The following UVRAG variants were observed in gnomAD, a reference collection of about 807,000 sequenced individuals.
UVRAG encodes UV radiation resistance associated, also known as UV radiation resistance-associated gene protein.
UVRAG carries 19 observed loss-of-function variants against 78.0 expected under a neutral mutation model. The observed-to-expected ratio is 0.24, with a 90% confidence interval of 0.17 to 0.36. The LOEUF (loss-of-function observed/expected upper bound fraction) is 0.36. Among genes scored for constraint, UVRAG ranks in the 10% least tolerant of loss-of-function variants. The pLI is 1.00. For missense variants in UVRAG, 740 were observed against 853.8 expected (o/e 0.87, Z 1.66); for synonymous variants, 323 against 324.6 (o/e 1.00, Z 0.05).
chr11:75,912,037 A>G lies in UVRAG; in HGVS notation c.591A>G (p.Leu197=). The change falls in exon 6 of 15, where the codon CTA becomes CTG. Residue 197 remains leucine (L), a splice_region_variant and synonymous_variant. Coordinates refer to ENST00000356136, the MANE Select transcript of UVRAG (RefSeq NM_003369.4). Reference sequence around the variant, plus strand: ...ATTCTTACGATGTCTTCTCTTTGCTACGGTAAGAAACTTCTTAGATTGCCC... The same window carrying G: ...ATTCTTACGATGTCTTCTCTTTGCTGCGGTAAGAAACTTCTTAGATTGCCC... ...VRNSYDVFSL[L]RLHRAQCAIK... The G allele has an allele frequency of 6.2e-7, 1 of 1,603,556 alleles. No individual in the cohort carries two copies. Among genetic ancestry groups the G allele is most frequent in the Non-Finnish European group, 8.5e-7 (1 of 1,171,206 alleles).
chr11:75,876,883 G>T (rs1201254992), intron 3 of UVRAG, among the ~76,000 whole-genome samples: 1 of 150,350 alleles, frequency 6.7e-6, no homozygotes, highest in Non-Finnish European at 1.5e-5. Flanking sequence ...TCATTCTTGG[G>T]TGTTTCTCAC....
chr11:76,037,987 A>T (rs1950569638), intron 12 of UVRAG, among the ~76,000 whole-genome samples: 1 of 152,326 alleles, frequency 6.6e-6, no homozygotes, highest in African/African-American at 2.4e-5. Flanking sequence ...CAAAAATTTT[A>T]AAAATACAGA....
At chr11:75,825,109 G>A (rs1360181740) in intron 1 of UVRAG, among the ~76,000 whole-genome samples, 3 of 150,564 alleles carry the variant, frequency 2.0e-5, no homozygotes, top group Non-Finnish European at 4.4e-5. Context: ...CATAAGTAAT[G>A]TCTTTTTTTT....
chr11:75,826,106 G>T (rs1945504133), intron 1 of UVRAG, among the ~76,000 whole-genome samples: 1 of 151,796 alleles, frequency 6.6e-6, no homozygotes, highest in African/African-American at 2.4e-5. Context: ...CAAAGTGCTG[G>T]GATTACAGGC....
chr11:75,846,797 T>C (rs779151577), intron 1 of UVRAG, among the ~76,000 whole-genome samples: 5 of 152,130 alleles, frequency 3.3e-5, no homozygotes, highest in Non-Finnish European at 7.4e-5. Context: ...TGTAGCTTTA[T>C]AGTAATGTCA....
At position 75,948,986 on chromosome 11, in the gene UVRAG, G is replaced by A. The variant is rs1287777406; in HGVS notation, c.594-12458G>A. On this transcript the variant is annotated intron_variant, in intron 6 of 14. Transcript: ENST00000356136. ...AAGATAAACTACAATTAGTAACCGA[G>A]CAAATGAAGAACAGGGATTCTTTGG... Among the ~76,000 whole-genome samples, 3 of 152,292 alleles carry A rather than the reference G, an allele frequency of 2.0e-5. No homozygotes were observed. In the East Asian group the frequency reaches 5.8e-4, roughly 29 times the overall value.
chr11:76,042,863 G>A lies in UVRAG; in HGVS notation c.1227-22847G>A, dbSNP rs182818365. On this transcript the variant is annotated intron_variant, in intron 12 of 14. Transcript: ENST00000356136. ...TTCTACTAGATGTCTCTACAGATGA[G>A]AGCTGATTGTGTACCAACCATCCTG... Among the ~76,000 whole-genome samples the A allele has an allele frequency of 2.7e-3, 414 of 152,328 alleles. 1 individual carries two copies. Among genetic ancestry groups the A allele is most frequent in the Non-Finnish European group, 4.7e-3 (321 of 68,030 alleles).
intron 14 of UVRAG, among the ~76,000 whole-genome samples, chr11:76,120,592 T>G: frequency 6.6e-6 from 1 of 152,296 alleles, no homozygotes; most frequent in South Asian, 2.1e-4. Context: ...CATTTATAAA[T>G]GTAGTGCCCC....
At chr11:75,972,708 C>T (rs1332570968) in intron 7 of UVRAG, among the ~76,000 whole-genome samples, 1 of 152,144 alleles carries the variant, frequency 6.6e-6, no homozygotes, top group Admixed American at 6.5e-5. Context: ...CAACTTTGTT[C>T]TTCTCCTTCA....
chr11:76,017,387 G>A (rs1950167995), intron 12 of UVRAG, among the ~76,000 whole-genome samples: 1 of 152,164 alleles, frequency 6.6e-6, no homozygotes, highest in Admixed American at 6.5e-5. Flanking sequence ...AAGTAGATTA[G>A]TGAATTGGAA....
chr11:75,945,443 A>G (rs1342712288), intron 6 of UVRAG, among the ~76,000 whole-genome samples: 1 of 152,154 alleles, frequency 6.6e-6, no homozygotes, highest in Non-Finnish European at 1.5e-5. Flanking sequence ...TAGATGGAGC[A>G]TGCTCCCAGT....
rs959163499 is a variant in UVRAG at position 75,995,927 on chromosome 11, T to C, written c.827-8078T>C. On this transcript the variant is annotated intron_variant, in intron 8 of 14. Transcript: ENST00000356136. Reference sequence around the variant, plus strand: ...TAACTTTCAAAAAAAAGTCTGGACCTGAGGACAGATTCTCCCTAGGATTTA... The same window carrying C: ...TAACTTTCAAAAAAAAGTCTGGACCCGAGGACAGATTCTCCCTAGGATTTA... Among the ~76,000 whole-genome samples, 11 of 152,136 alleles carry C rather than the reference T, an allele frequency of 7.2e-5. 1 individual carries two copies. The highest frequency in any genetic ancestry group is 2.7e-4 in the African/African-American group (11 of 41,456).
rs184280208 is a variant in UVRAG, at chr11:75,954,470, T to C, written c.594-6974T>C. ...TATCATTTTTAGAATTCTGATAACA[T>C]TTTTAGTAAAAATTGCTGTTTCCTC... is the stretch of plus-strand genomic sequence containing the variant. On this transcript the variant is annotated intron_variant, in intron 6 of 14. Coordinates refer to ENST00000356136, the MANE Select transcript of UVRAG (RefSeq NM_003369.4). 9.7e-4 allele frequency among the ~76,000 whole-genome samples: 148 copies of C among 152,324 alleles called. 3 individuals carry two copies. The East Asian group carries it at 0.02, about 21-fold the overall frequency.
intron 7 of UVRAG, among the ~76,000 whole-genome samples, chr11:75,971,866 T>C (rs915511977): frequency 6.6e-5 from 10 of 152,138 alleles, no homozygotes; most frequent in African/African-American, 2.4e-4. Flanking sequence ...TTTTTTTGTA[T>C]TTTTGGTAAA....
chr11:75,861,798 C>G lies in UVRAG; in HGVS notation c.270+18C>G. The G allele has an allele frequency of 1.9e-6, 3 of 1,601,812 alleles. No individual in the cohort carries two copies. Among genetic ancestry groups the G allele is most frequent in the Non-Finnish European group, 1.7e-6 (2 of 1,170,342 alleles). On this transcript the variant is annotated intron_variant, in intron 3 of 14. Coordinates refer to ENST00000356136, the MANE Select transcript of UVRAG (RefSeq NM_003369.4). The stretch of plus-strand genomic sequence containing the variant: ...ATTCCTTGGTAAGTTTGCTTTCTGA[C>G]GGGTACATATGACTAAGTATATACA...
intron 6 of UVRAG, among the ~76,000 whole-genome samples, chr11:75,923,353 T>C (rs1039223178): frequency 2.6e-5 from 4 of 152,204 alleles, no homozygotes; most frequent in Non-Finnish European, 1.5e-5. Context: ...AGTTGTGTTG[T>C]TGTTATGGGG....
chr11:75,980,488 C>T (rs1024207633), intron 7 of UVRAG, among the ~76,000 whole-genome samples: 3 of 152,062 alleles, frequency 2.0e-5, no homozygotes, highest in African/African-American at 7.2e-5. Flanking sequence ...TCTCTTTTTC[C>T]TACTGTGAGT....
intron 4 of UVRAG, among the ~76,000 whole-genome samples, chr11:75,886,093 T>C (rs1474380918): frequency 1.3e-5 from 2 of 152,132 alleles, no homozygotes; most frequent in Non-Finnish European, 2.9e-5. Flanking sequence ...CAGAGTTCCC[T>C]TCTCTGAAGA....
At chr11:76,099,520 A>G (rs1385922675) in intron 13 of UVRAG, among the ~76,000 whole-genome samples, 1 of 152,170 alleles carries the variant, frequency 6.6e-6, no homozygotes, top group African/African-American at 2.4e-5. Context: ...TCCTATTTGT[A>G]TGTTAAGTAG....
Sources: gnomAD v4.1 joint callset for allele counts (sites outside exome capture counted in the v4.1 genomes callset) on GRCh38, gnomAD v4.1.1 for gene constraint, MANE v1.5 for transcripts, NCBI Gene and HGNC (gene_info 2026-07-23, HGNC 2026-07-21) for gene names.